The following NTM variants were observed in gnomAD, a reference collection of about 807,000 sequenced individuals.
NTM encodes the protein IgLON family member 2.
Under a neutral mutation model 42.1 loss-of-function variants are expected in NTM, and 13 were observed. The observed-to-expected ratio is 0.31, with a 90% confidence interval of 0.20 to 0.49. The LOEUF is 0.49. Among genes scored for constraint, NTM ranks in the 20% least tolerant of loss-of-function variants. The pLI is 0.99. For missense variants in NTM, 373 were observed against 452.8 expected (o/e 0.82, Z 1.60); for synonymous variants, 187 against 179.2 (o/e 1.04, Z -0.35).
At chr11:132,308,121 G>A (rs140432322) in intron 5 of NTM, among the ~76,000 whole-genome samples, 1 of 152,130 alleles carries the variant, frequency 6.6e-6, no homozygotes, top group South Asian at 2.1e-4. Flanking sequence ...TTTTAAACAC[G>A]TCTTCAAATC....
chr11:132,177,328 A>G (rs1245695227), intron 3 of NTM, among the ~76,000 whole-genome samples: 5 of 152,206 alleles, frequency 3.3e-5, no homozygotes, highest in Non-Finnish European at 7.3e-5. Flanking sequence ...ATTCAGATTC[A>G]GTTGGCCTTA....
intron 1 of NTM, among the ~76,000 whole-genome samples, chr11:131,594,498 T>A (rs1377581397): frequency 6.6e-6 from 1 of 151,876 alleles, no homozygotes; most frequent in Non-Finnish European, 1.5e-5. Context: ...CAAGCTCAAG[T>A]GATTCTCCCA....
rs117038878 is a variant in NTM at position 132,177,457 on chromosome 11, T to C, written c.400+30943T>C. ...ATGTTAATACATTGTTTTCCACTTA[T>C]TTTGCCACAAAGTGGAATAGGGGAC... is the stretch of plus-strand genomic sequence containing the variant. On this transcript the variant is annotated intron_variant, in intron 3 of 8. Transcript: ENST00000683400. 6.6e-5 allele frequency among the ~76,000 whole-genome samples: 10 copies of C among 152,336 alleles called. No homozygotes were observed. In the East Asian group the frequency reaches 1.7e-3, roughly 26 times the overall value.
At chr11:131,892,615 G>A (rs1240237321) in intron 1 of NTM, among the ~76,000 whole-genome samples, 3 of 152,240 alleles carry the variant, frequency 2.0e-5, no homozygotes, top group Non-Finnish European at 4.4e-5. Context: ...GGTGCGGGAT[G>A]GCCACATGCT....
intron 2 of NTM, among the ~76,000 whole-genome samples, chr11:131,992,155 C>T (rs770800303): frequency 5.9e-5 from 9 of 152,156 alleles, no homozygotes; most frequent in Non-Finnish European, 1.2e-4. Context: ...CCCCCTCAAA[C>T]TACTCGATGT....
At chr11:131,815,316 C>T (rs1340224714) in intron 1 of NTM, among the ~76,000 whole-genome samples, 1 of 152,148 alleles carries the variant, frequency 6.6e-6, no homozygotes, top group Non-Finnish European at 1.5e-5. Flanking sequence ...GTGCCCGCCT[C>T]AGCTCTCTGC....
At chr11:131,804,673 C>T (rs1194737195) in intron 1 of NTM, among the ~76,000 whole-genome samples, 4 of 152,200 alleles carry the variant, frequency 2.6e-5, no homozygotes, top group Non-Finnish European at 5.9e-5. Context: ...ATCAGCCATT[C>T]CCTTCCTTGT....
intron 1 of NTM, among the ~76,000 whole-genome samples, chr11:131,692,438 C>G (rs1485958901): frequency 2.0e-5 from 3 of 151,774 alleles, no homozygotes; most frequent in African/African-American, 7.3e-5. Context: ...ACAGGGCTAG[C>G]CTACCTCCCA....
chr11:132,127,759 A>G (rs1269293465), intron 2 of NTM, among the ~76,000 whole-genome samples: 2 of 152,180 alleles, frequency 1.3e-5, no homozygotes, highest in Admixed American at 6.5e-5. Flanking sequence ...TAGTCTCCCT[A>G]CATTCACAGC....
At chr11:132,117,481 C>A (rs893826953) in intron 2 of NTM, among the ~76,000 whole-genome samples, 10 of 152,164 alleles carry the variant, frequency 6.6e-5, no homozygotes, top group African/African-American at 2.4e-4. Context: ...AAGTGAAGGG[C>A]TGTGATTTGA....
intron 1 of NTM, among the ~76,000 whole-genome samples, chr11:131,876,417 T>C (rs1247976754): frequency 6.6e-6 from 1 of 152,238 alleles, no homozygotes; most frequent in African/African-American, 2.4e-5. Flanking sequence ...GGATTATCCA[T>C]AACCAATCTT....
chr11:131,971,823 T>C (rs1242789950), intron 2 of NTM, among the ~76,000 whole-genome samples: 2 of 151,758 alleles, frequency 1.3e-5, no homozygotes, highest in East Asian at 3.9e-4. Flanking sequence ...GGCAGGTGGA[T>C]CACAAGGTCA....
intron 1 of NTM, among the ~76,000 whole-genome samples, chr11:131,513,570 T>C (rs986269217): frequency 6.6e-6 from 1 of 152,208 alleles, no homozygotes; most frequent in Non-Finnish European, 1.5e-5. Flanking sequence ...CCCAAGTCCT[T>C]CTTCCACTGT....
chr11:132,030,547 G>T (rs2075780931), intron 2 of NTM, among the ~76,000 whole-genome samples: 1 of 152,200 alleles, frequency 6.6e-6, no homozygotes, highest in African/African-American at 2.4e-5. Flanking sequence ...GCTTAAATGG[G>T]ACTAGAGATA....
chr11:131,527,155 A>T (rs1024737281), intron 1 of NTM, among the ~76,000 whole-genome samples: 1 of 152,192 alleles, frequency 6.6e-6, no homozygotes, highest in African/African-American at 2.4e-5. Flanking sequence ...CTGGTCTCCC[A>T]GAGCTGACTA....
chr11:131,566,529 G>A (rs1172659362), intron 1 of NTM, among the ~76,000 whole-genome samples: 8 of 152,020 alleles, frequency 5.3e-5, no homozygotes, highest in Non-Finnish European at 7.4e-5. Flanking sequence ...CATCATCCAC[G>A]CAGTGTGAGT....
At chr11:132,317,975 A>T (rs1044759919) in intron 7 of NTM, among the ~76,000 whole-genome samples, 2 of 152,244 alleles carry the variant, frequency 1.3e-5, no homozygotes, top group African/African-American at 4.8e-5. Flanking sequence ...CAAAGGGTAG[A>T]GAGTGAGTCT....
At chr11:131,880,808 T>C (rs2049347760) in intron 1 of NTM, among the ~76,000 whole-genome samples, 1 of 152,112 alleles carries the variant, frequency 6.6e-6, no homozygotes. Context: ...ACTCTTTTTT[T>C]TTTTCTTTTG....
chr11:131,767,935 G>A (rs1439397284), intron 1 of NTM, among the ~76,000 whole-genome samples: 1 of 152,148 alleles, frequency 6.6e-6, no homozygotes, highest in African/African-American at 2.4e-5. Context: ...CAATGGGATG[G>A]GGAGTGGGTG....
Sources: gnomAD v4.1 joint callset for allele counts (sites outside exome capture counted in the v4.1 genomes callset) on GRCh38, gnomAD v4.1.1 for gene constraint, MANE v1.5 for transcripts, NCBI Gene and HGNC (gene_info 2026-07-23, HGNC 2026-07-21) for gene names.